The following TBC1D16 variants were observed in gnomAD, a reference collection of about 807,000 sequenced individuals.
TBC1D16 encodes CTD-2529O21.1.
Under a neutral mutation model 74.7 loss-of-function variants are expected in TBC1D16, and 58 were observed. That is an observed-to-expected ratio of 0.78 (90% CI 0.63 to 0.97). The LOEUF (loss-of-function observed/expected upper bound fraction) is 0.97. Among genes scored for constraint, TBC1D16 ranks in the 50% least tolerant of loss-of-function variants. The pLI is 0.00. For missense variants in TBC1D16, 1,014 were observed against 1,079.5 expected, an observed-to-expected ratio of 0.94 and a Z score of 0.85; for synonymous variants, 493 against 474.7, an observed-to-expected ratio of 1.04 and a Z score of -0.50.
chr17:79,966,088 C>T lies in TBC1D16; in HGVS notation c.780-13270G>A, dbSNP rs533082346. On this transcript the variant is annotated intron_variant, in intron 3 of 11. Transcript: ENST00000310924. ...CCTCTGAAAGTCTAGGAGACTCCTCCTTTGAGTCCCCCCAGCTTCGGGCAG... is the reference window on the plus strand; with the variant it reads ...CCTCTGAAAGTCTAGGAGACTCCTCTTTTGAGTCCCCCCAGCTTCGGGCAG... 5.4e-4 allele frequency among the ~76,000 whole-genome samples: 83 copies of T among 152,332 alleles called. 2 individuals carry two copies. Among genetic ancestry groups the T allele is most frequent in the Admixed American group, 5.4e-3 (82 of 15,306 alleles).
chr17:80,010,122 G>C lies in TBC1D16; in HGVS notation c.779+38C>G. The C allele has an allele frequency of 6.5e-7, 1 of 1,542,390 alleles. No homozygotes were observed. The highest frequency in any genetic ancestry group is 1.4e-5 in the African/African-American group (1 of 73,314). ...CTTCCTGCCCAGGTCAGGCCTTGGGGGCCTCCCGAGAGCCCACGCCCAGAA... is the reference window on the plus strand; with the variant it reads ...CTTCCTGCCCAGGTCAGGCCTTGGGCGCCTCCCGAGAGCCCACGCCCAGAA... On this transcript the variant is annotated intron_variant, in intron 3 of 11. Transcript: ENST00000310924. This position sits in a 1 kb window ranked among gnomAD's most constrained non-coding sequence, Gnocchi z 8.8.
chr17:79,947,947 G>GAGGT, intron 8 of TBC1D16, 116 bp from the exon 9 acceptor site: 9 of 805,252 alleles, frequency 1.1e-5, no homozygotes, highest in Non-Finnish European at 1.6e-5. Flanking sequence ...TCACCTCAGT[G>GAGGT]GAAGGCAGCT....
Position 79,952,854 on chromosome 17 carries a change from C to T in TBC1D16, c.780-36G>A, listed in dbSNP as rs1287462649. 3 of 1,576,408 alleles carry T rather than the reference C, an allele frequency of 1.9e-6. No homozygotes were observed. In the South Asian group the frequency reaches 3.4e-5, roughly 18 times the overall value. On this transcript the variant is annotated intron_variant, in intron 3 of 11. Transcript: ENST00000310924. ...AGGTTATGTGATGATCGCCACACTTCTCCCTGCCCACACTACCCAGAGGGG... is the reference window on the plus strand; with the variant it reads ...AGGTTATGTGATGATCGCCACACTTTTCCCTGCCCACACTACCCAGAGGGG...
At chr17:80,015,131 A>G (rs1309115066) in intron 1 of TBC1D16, among the ~76,000 whole-genome samples, 3 of 152,212 alleles carry the variant, frequency 2.0e-5, no homozygotes, top group African/African-American at 4.8e-5. Flanking sequence ...CGACCGTGTC[A>G]GTGAAGAGGC....
At position 80,010,507 on chromosome 17, in the gene TBC1D16, C is replaced by T. The variant is rs763983918; in HGVS notation, c.432G>A (p.Val144=). 2 of 1,611,110 alleles carry T rather than the reference C, an allele frequency of 1.2e-6. No homozygotes were observed. The highest frequency in any genetic ancestry group is 2.2e-5 in the South Asian group (2 of 90,682). ...GCATGCGGTCTGGAACACTCTGGGC[C>T]ACCACCAGGATGTCCTCATCTTTGG... ...LTPKDEDILV[V]AQSVPDRMLA... Residue 144 remains valine (V), a synonymous_variant, in exon 3 of 12, where the codon GTG becomes GTA. Transcript: ENST00000310924. The surrounding 1 kb of genome is among the most constrained non-coding windows in gnomAD (Gnocchi z 8.8).
chr17:79,969,158 G>A (rs1214717788), intron 3 of TBC1D16, among the ~76,000 whole-genome samples: 1 of 151,588 alleles, frequency 6.6e-6, no homozygotes, highest in Non-Finnish European at 1.5e-5. Context: ...AGGCCAAGGT[G>A]GGCAGGTCAC....
chr17:79,942,202 T>C lies in TBC1D16; in HGVS notation c.1913A>G (p.Asp638Gly). 1 of 1,598,280 alleles carries C rather than the reference T, an allele frequency of 6.3e-7. No individual in the cohort carries two copies. The highest frequency in any genetic ancestry group is 8.5e-7 in the Non-Finnish European group (1 of 1,172,434). Reference sequence around the variant, plus strand: ...CACGCAGATGAAAAGGTGGAAGTAGTCCGTCTGTGGAGGCGGGTAGAGTTC... The same window carrying C: ...CACGCAGATGAAAAGGTGGAAGTAGCCCGTCTGTGGAGGCGGGTAGAGTTC... Reference protein sequence around the residue: ...WEACWAHYQTDYFHLFICVAI... With the variant: ...WEACWAHYQTGYFHLFICVAI... The change falls in exon 11 of 12, where the codon GAC becomes GGC. Residue 638 changes from aspartate (D) to glycine (G), a missense_variant. Physicochemically the swap from Asp to Gly is moderately conservative, Grantham distance 94. Transcript: ENST00000310924.
intron 9 of TBC1D16, among the ~76,000 whole-genome samples, chr17:79,946,362 C>T (rs952599144): frequency 1.3e-5 from 2 of 152,232 alleles, no homozygotes; most frequent in Non-Finnish European, 2.9e-5. Flanking sequence ...CTAATGCAGC[C>T]GCTGATCTGA....
Position 79,980,207 on chromosome 17 carries a change from G to C in TBC1D16, c.780-27389C>G, listed in dbSNP as rs2034524080. On this transcript the variant is annotated intron_variant, in intron 3 of 11. Transcript: ENST00000310924. This position sits in a 1 kb window ranked among gnomAD's most constrained non-coding sequence, Gnocchi z 7.0. The stretch of plus-strand genomic sequence containing the variant: ...TTCCCCTAGGCAATTTAAAAATGGA[G>C]TGAATACTGATAATAATTTGACTAA... Among the ~76,000 whole-genome samples, 1 of 152,330 alleles carries C rather than the reference G, an allele frequency of 6.6e-6. No homozygotes were observed.
rs2032022204 is a variant in TBC1D16, at chr17:79,941,783, C to T, written c.2055+277G>A. Among the ~76,000 whole-genome samples the T allele has an allele frequency of 6.6e-6, 1 of 152,216 alleles. No homozygotes were observed. On this transcript the variant is annotated intron_variant, in intron 11 of 11. Coordinates refer to ENST00000310924, the MANE Select transcript of TBC1D16 (RefSeq NM_019020.4). The surrounding 1 kb of genome is among the most constrained non-coding windows in gnomAD (Gnocchi z 4.3). The stretch of plus-strand genomic sequence containing the variant: ...GTCCGTCAGCCCCGGTGAATTCGTT[C>T]CCTCCTCAGCCAGCGAGGGAGGCTC...
At chr17:80,013,633 T>C (rs556896731) in intron 1 of TBC1D16, 24 bp from the exon 2 acceptor site, 919 of 1,377,248 alleles carry the variant, frequency 6.7e-4, no homozygotes, top group Non-Finnish European at 8.1e-4. Flanking sequence ...AGAGAGGAGA[T>C]GGTCAAGGTT....
At chr17:79,948,646 G>A (rs1403802538) in intron 8 of TBC1D16, among the ~76,000 whole-genome samples, 1 of 152,092 alleles carries the variant, frequency 6.6e-6, no homozygotes, top group Non-Finnish European at 1.5e-5. Context: ...GGGGATAGAG[G>A]GGCTCTGTGG....
At chr17:80,023,524 G>A (rs2036359465) in intron 1 of TBC1D16, among the ~76,000 whole-genome samples, 1 of 150,122 alleles carries the variant, frequency 6.7e-6, no homozygotes, top group South Asian at 2.1e-4. Flanking sequence ...ATCCTGCTTC[G>A]TGTGGCCACT....
rs2035721818 is a variant in TBC1D16, at chr17:80,007,516, G to C, written c.779+2644C>G. The stretch of plus-strand genomic sequence containing the variant: ...CACCATCTGCCTCCCAGCAGCTGGG[G>C]ACGGACAGGCGGACAGGGTGTCTCA... On this transcript the variant is annotated intron_variant, in intron 3 of 11. Transcript: ENST00000310924. The surrounding 1 kb of genome is among the most constrained non-coding windows in gnomAD (Gnocchi z 4.5). 6.6e-6 allele frequency among the ~76,000 whole-genome samples: 1 copy of C among 152,218 alleles called. No individual in the cohort carries two copies. The highest frequency in any genetic ancestry group is 2.4e-5 in the African/African-American group (1 of 41,456).
intron 3 of TBC1D16, among the ~76,000 whole-genome samples, chr17:80,006,276 G>T (rs540903961): frequency 6.6e-6 from 1 of 151,498 alleles, no homozygotes; most frequent in Non-Finnish European, 1.5e-5. Flanking sequence ...GGTTCTCAAC[G>T]CTACGTGCAC....
intron 3 of TBC1D16, among the ~76,000 whole-genome samples, chr17:79,998,100 G>C (rs1049006547): frequency 1.4e-5 from 2 of 146,562 alleles, no homozygotes; most frequent in Admixed American, 6.8e-5. Flanking sequence ...ACTTCAGCTT[G>C]GGCACAAAGA....
chr17:79,953,639 G>A (rs1177702588), intron 3 of TBC1D16, among the ~76,000 whole-genome samples: 1 of 152,164 alleles, frequency 6.6e-6, no homozygotes, highest in East Asian at 1.9e-4. Context: ...CAGTTCAGCA[G>A]TACAACCCCA....
In TBC1D16 at chr17:80,000,723, G is replaced by T. The variant is rs542711935; in HGVS notation, c.779+9437C>A. 6.6e-6 allele frequency among the ~76,000 whole-genome samples: 1 copy of T among 152,122 alleles called. No homozygotes were observed. The highest frequency in any genetic ancestry group is 1.5e-5 in the Non-Finnish European group (1 of 68,036). ...GAGCCCTCTGTGCAGAGCTTTACAC[G>T]CACGGCCTTCCTGAACCCCCACAAT... is the stretch of plus-strand genomic sequence containing the variant. On this transcript the variant is annotated intron_variant, in intron 3 of 11. Transcript: ENST00000310924. The surrounding 1 kb of genome is among the most constrained non-coding windows in gnomAD (Gnocchi z 4.1).
intron 9 of TBC1D16, among the ~76,000 whole-genome samples, chr17:79,945,479 C>T (rs1022310775): frequency 1.3e-5 from 2 of 152,196 alleles, no homozygotes; most frequent in African/African-American, 2.4e-5. Flanking sequence ...GGAGCCCCCC[C>T]ACCCCTCTTC....
Sources: gnomAD v4.1 joint callset for allele counts (sites outside exome capture counted in the v4.1 genomes callset) on GRCh38, gnomAD v4.1.1 for gene constraint, Gnocchi (gnomAD v3.1) non-coding constraint, MANE v1.5 for transcripts, NCBI Gene and HGNC (gene_info 2026-07-23, HGNC 2026-07-21) for gene names.